TMTC2: variants seen among roughly 807,000 people sequenced by gnomAD.
The protein encoded by TMTC2 is protein O-mannosyl-transferase TMTC2.
In TMTC2, 43 loss-of-function variants were observed where a neutral mutation model predicts 82.4. The ratio of observed to expected loss-of-function variants is 0.52; its 90% confidence interval spans 0.41 to 0.67. The LOEUF is 0.67. Among genes scored for constraint, TMTC2 ranks in the 30% least tolerant of loss-of-function variants. The pLI is 0.00. For missense variants in TMTC2, 919 were observed against 1,012.4 expected (o/e 0.91, Z 1.25); for synonymous variants, 408 against 381.9 (o/e 1.07, Z -0.80).
chr12:82,817,001 C>T (rs1388803059), intron 1 of TMTC2, among the ~76,000 whole-genome samples: 1 of 144,572 alleles, frequency 6.9e-6, no homozygotes, highest in Non-Finnish European at 1.5e-5. Context: ...GAGTTTCACT[C>T]TTGTCGCCCA....
intron 1 of TMTC2, among the ~76,000 whole-genome samples, chr12:82,844,668 GGCGGGC>G (rs1482131673): frequency 3.9e-5 from 6 of 152,024 alleles, no homozygotes; most frequent in Non-Finnish European, 8.8e-5. Context: ...TGCGCTTGGT[GGCGGGC>G]GCCTGTAGTC....
At chr12:82,900,938 AAT>A (rs551975492) in intron 3 of TMTC2, among the ~76,000 whole-genome samples, 3 of 86,218 alleles carry the variant, frequency 3.5e-5, no homozygotes, top group Admixed American at 1.6e-4. Flanking sequence ...TATATATAGG[AAT>A]ATATATATAT....
At chr12:82,886,819 A>G (rs1217166045) in intron 2 of TMTC2, among the ~76,000 whole-genome samples, 1 of 152,166 alleles carries the variant, frequency 6.6e-6, no homozygotes, top group African/African-American at 2.4e-5. Context: ...TCACATGGAT[A>G]TGTTCTAGAA....
chr12:82,758,517 C>A (rs886086212), intron 1 of TMTC2: 2 of 152,088 alleles, frequency 1.3e-5, no homozygotes, highest in African/African-American at 4.8e-5. Flanking sequence ...ACTTCTAAAG[C>A]CATTTCTGCA....
chr12:82,746,150 G>A (rs1017040651), intron 1 of TMTC2, among the ~76,000 whole-genome samples: 1 of 152,184 alleles, frequency 6.6e-6, no homozygotes, highest in Non-Finnish European at 1.5e-5. Flanking sequence ...AGCTTTCATA[G>A]CTGTTACTGG....
intron 1 of TMTC2, among the ~76,000 whole-genome samples, chr12:82,843,366 C>T (rs925984041): frequency 4.6e-5 from 7 of 151,956 alleles, no homozygotes; most frequent in African/African-American, 1.4e-4. Context: ...GGATTACAGG[C>T]GTGAGCCACC....
In TMTC2 at chr12:82,831,867, A is replaced by G. The variant is rs979692589; in HGVS notation, c.84-25143A>G. 5.3e-5 allele frequency among the ~76,000 whole-genome samples: 8 copies of G among 152,196 alleles called. No homozygotes were observed. The South Asian group carries it at 6.2e-4, about 12-fold the overall frequency. ...TTCAAAGACTACAGAAAAATCACCA[A>G]TGCAGTGAATCTCCTTCAGGATCGT... On this transcript the variant is annotated intron_variant, in intron 1 of 11. Transcript: ENST00000321196.
At chr12:82,882,640 A>G (rs991607363) in intron 2 of TMTC2, among the ~76,000 whole-genome samples, 1 of 152,144 alleles carries the variant, frequency 6.6e-6, no homozygotes. Context: ...ACTAATAGTT[A>G]CGAAGCCCAA....
intron 1 of TMTC2, among the ~76,000 whole-genome samples, chr12:82,700,336 A>G (rs960068679): frequency 1.3e-5 from 2 of 152,244 alleles, no homozygotes; most frequent in African/African-American, 4.8e-5. Context: ...TAAATTATTC[A>G]TTAATGGTAT....
chr12:83,003,410 T>C (rs1880015001), intron 8 of TMTC2, among the ~76,000 whole-genome samples: 1 of 152,146 alleles, frequency 6.6e-6, no homozygotes, highest in African/African-American at 2.4e-5. Flanking sequence ...GTTTAGATCA[T>C]TTACATTCAG....
At chr12:82,905,784 A>C (rs1312522569) in intron 3 of TMTC2, among the ~76,000 whole-genome samples, 2 of 152,074 alleles carry the variant, frequency 1.3e-5, no homozygotes, top group African/African-American at 4.8e-5. Context: ...GTCTCTACTA[A>C]AAATACAAAA....
intron 1 of TMTC2, among the ~76,000 whole-genome samples, chr12:82,739,884 T>C (rs941495437): frequency 1.1e-4 from 17 of 151,202 alleles, no homozygotes; most frequent in Non-Finnish European, 2.2e-4. Flanking sequence ...AGAACCAGTA[T>C]TGTTGTTTAC....
At chr12:82,867,193 A>T (rs968459077) in intron 2 of TMTC2, among the ~76,000 whole-genome samples, 4 of 152,194 alleles carry the variant, frequency 2.6e-5, no homozygotes, top group African/African-American at 7.2e-5. Flanking sequence ...ATCAAGAGAA[A>T]TAGCATGAAT....
chr12:83,111,392 G>C (rs76625520), intron 11 of TMTC2, among the ~76,000 whole-genome samples: 5,533 of 152,306 alleles, frequency 0.036, 163 homozygotes, highest in Non-Finnish European at 0.054. Context: ...AGTAGTCATA[G>C]ACAGTACATA....
chr12:82,753,434 G>A (rs1374696365), intron 1 of TMTC2, among the ~76,000 whole-genome samples: 1 of 151,396 alleles, frequency 6.6e-6, no homozygotes, highest in Admixed American at 6.6e-5. Flanking sequence ...ACTGTGTGGA[G>A]GGCTAAATTT....
In TMTC2 at chr12:83,063,303, T is replaced by C. The variant is rs1026019933; in HGVS notation, c.2331+1472T>C. On this transcript the variant is annotated intron_variant, in intron 11 of 11. Coordinates refer to ENST00000321196, the MANE Select transcript of TMTC2 (RefSeq NM_152588.3). Reference sequence around the variant, plus strand: ...CTCCTTCTTCTGCAGTTTTGTTTTTTTTTTCAGCTTAAAATACTAAGTATT... The same window carrying C: ...CTCCTTCTTCTGCAGTTTTGTTTTTCTTTTCAGCTTAAAATACTAAGTATT... Among the ~76,000 whole-genome samples, 4 of 151,794 alleles carry C rather than the reference T, an allele frequency of 2.6e-5. No individual in the cohort carries two copies. The East Asian group carries it at 7.7e-4, about 29-fold the overall frequency.
chr12:82,838,948 A>C lies in TMTC2; in HGVS notation c.84-18062A>C, dbSNP rs181950576. On this transcript the variant is annotated intron_variant, in intron 1 of 11. Transcript: ENST00000321196. ...CAAGCCATTTATGATGCCATAAGTA[A>C]GTTATTGATTCCTCTTGGGAGCTGT... 2.6e-5 allele frequency among the ~76,000 whole-genome samples: 4 copies of C among 152,226 alleles called. No individual in the cohort carries two copies. The East Asian group carries it at 7.7e-4, about 29-fold the overall frequency.
At chr12:82,764,469 T>TA (rs1311376214) in intron 1 of TMTC2, among the ~76,000 whole-genome samples, 1 of 152,126 alleles carries the variant, frequency 6.6e-6, no homozygotes, top group Non-Finnish European at 1.5e-5. Flanking sequence ...GGCTTTCTGT[T>TA]AAAGTCAGCA....
intron 1 of TMTC2, among the ~76,000 whole-genome samples, chr12:82,762,864 A>G (rs1290800936): frequency 1.3e-5 from 2 of 152,156 alleles, no homozygotes; most frequent in Non-Finnish European, 2.9e-5. Context: ...AACAAAAAAA[A>G]GATGCATTCC....
Sources: allele counts gnomAD v4.1 joint callset (sites outside exome capture counted in the v4.1 genomes callset), GRCh38; gene constraint gnomAD v4.1.1; transcripts MANE v1.5; gene names NCBI Gene and HGNC (gene_info 2026-07-23, HGNC 2026-07-21).